The following VGLL4 variants were observed in gnomAD, a reference collection of about 807,000 sequenced individuals.
The protein encoded by VGLL4 is transcription cofactor vestigial-like protein 4.
A neutral mutation model predicts 21.0 loss-of-function variants in VGLL4; 7 were observed. The ratio of observed to expected loss-of-function variants is 0.33; its 90% CI spans 0.19 to 0.63. The LOEUF is 0.63. Ranked by LOEUF, VGLL4 falls within the 20% of genes least tolerant of loss-of-function variation. The probability of loss-of-function intolerance (pLI) is 0.78; values close to 1 mark genes in which losing one functional copy is unlikely to be tolerated. For synonymous variants in VGLL4, 222 were observed against 173.2 expected (o/e 1.28, Z -2.21); for missense variants, 394 against 425.7 (o/e 0.93, Z 0.66).
rs374019699 is a variant in VGLL4, at chr3:11,558,808, G to A, written c.639C>T (p.Pro213=). The part of the protein sequence containing the change: ...RPPSAATTCD[P]VVEEHFRRSL... Reference sequence around the variant, plus strand: ...TCCTGCGGAAATGCTCCTCCACCACGGGGTCACAGGTGGTGGCAGCTGCAG... The same window carrying A: ...TCCTGCGGAAATGCTCCTCCACCACAGGGTCACAGGTGGTGGCAGCTGCAG... The change falls in exon 5 of 5, where the codon CCC becomes CCT. Residue 213 remains proline, a synonymous_variant. Coordinates refer to ENST00000430365, the MANE Select transcript of VGLL4 (RefSeq NM_001128219.3). The A allele has an allele frequency of 6.5e-5, 104 of 1,612,250 alleles. No homozygotes were observed. Among genetic ancestry groups the A allele is most frequent in the Non-Finnish European group, 8.0e-5 (94 of 1,178,834 alleles).
intron 2 of VGLL4, among the ~76,000 whole-genome samples, chr3:11,700,479 G>A (rs1195427390): frequency 6.6e-6 from 1 of 152,144 alleles, no homozygotes; most frequent in Non-Finnish European, 1.5e-5. Flanking sequence ...GCTCCCTACA[G>A]TCTTACAGTG....
chr3:11,601,679 T>C (rs541656281), intron 2 of VGLL4, among the ~76,000 whole-genome samples, 154 bp downstream of exon 2: 8 of 152,374 alleles, frequency 5.3e-5, no homozygotes, highest in African/African-American at 1.7e-4. Context: ...TACTACCTTC[T>C]TTTTGGCAGA....
chr3:11,637,199 T>C (rs1218215159), intron 1 of VGLL4, among the ~76,000 whole-genome samples: 7 of 152,218 alleles, frequency 4.6e-5, no homozygotes, highest in Non-Finnish European at 1.5e-5. Context: ...GGCGATTTAC[T>C]ATTTCTTGAC....
intron 1 of VGLL4, among the ~76,000 whole-genome samples, chr3:11,602,306 T>C (rs1018027144): frequency 6.6e-6 from 1 of 152,252 alleles, no homozygotes; most frequent in Non-Finnish European, 1.5e-5. Context: ...GCAAAAAGCA[T>C]TTTCTGTAAA....
At chr3:11,596,345 T>C (rs1559888112) in intron 2 of VGLL4, among the ~76,000 whole-genome samples, 1 of 152,238 alleles carries the variant, frequency 6.6e-6, no homozygotes, top group South Asian at 2.1e-4. Flanking sequence ...GTGACTATTA[T>C]ACCCTCAGCA....
chr3:11,645,695 G>T (rs2075780194), upstream of VGLL4, among the ~76,000 whole-genome samples: 1 of 151,766 alleles, frequency 6.6e-6, no homozygotes, highest in Non-Finnish European at 1.5e-5. Context: ...TGGGAGTCCG[G>T]ATGCGGTGGC....
chr3:11,643,825 AAG>A lies in VGLL4; in HGVS notation c.-309_-308del, dbSNP rs1419084357. ...TTCCTGGAAATGGAAAAGAGTGAAAAAGAGAAACGCGCAGCCCGTTTCCTAGG... is the reference window on the plus strand; with the variant it reads ...TTCCTGGAAATGGAAAAGAGTGAAAAAGAAACGCGCAGCCCGTTTCCTAGG... On this transcript the variant is annotated 5_prime_UTR_variant, in exon 1 of 5. Coordinates refer to ENST00000430365, the MANE Select transcript of VGLL4 (RefSeq NM_001128219.3). 6 of 1,081,386 alleles carry A rather than the reference AAG, an allele frequency of 5.5e-6. No individual in the cohort carries two copies. The highest frequency in any genetic ancestry group is 1.7e-5 in the African/African-American group (1 of 59,800). The allele number at this position is 1,081,386 out of a possible 1,614,324, so 67.0% of individuals were successfully genotyped here. A position where few individuals can be genotyped will look rare whatever the true frequency, so the allele number is the denominator to read the frequency against.
intron 2 of VGLL4, among the ~76,000 whole-genome samples, chr3:11,651,710 TAAATATCAATGACGTACAGTAAGTACCA>T (rs1005331258): frequency 4.0e-5 from 6 of 151,824 alleles, no homozygotes; most frequent in African/African-American, 1.5e-4. Context: ...TCAAATGCCT[TAAATATCAATGACGTACAGTAAGTACCA>T]GGGAGTAGCT....
chr3:11,710,370 AG>A (rs1646055097), intron 1 of VGLL4: 1 of 152,222 alleles, frequency 6.6e-6, no homozygotes, highest in African/African-American at 2.4e-5. Flanking sequence ...GCACAATAAA[AG>A]CTACAGCACC....
intron 2 of VGLL4, among the ~76,000 whole-genome samples, chr3:11,580,887 T>A (rs1246643915): frequency 6.6e-6 from 1 of 152,202 alleles, no homozygotes; most frequent in Admixed American, 6.5e-5. Flanking sequence ...ACTTATAAGC[T>A]ACATATTTGT....
chr3:11,627,595 C>CAAAAAA (rs57607183), intron 1 of VGLL4, among the ~76,000 whole-genome samples: 2 of 118,818 alleles, frequency 1.7e-5, no homozygotes, highest in Non-Finnish European at 3.4e-5. Context: ...AACTTCATCT[C>CAAAAAA]AAAAAAAAAA....
intron 1 of VGLL4, among the ~76,000 whole-genome samples, chr3:11,704,967 C>T (rs566928695): frequency 5.3e-5 from 8 of 152,308 alleles, no homozygotes; most frequent in Non-Finnish European, 1.0e-4. Context: ...GTTCCTCCCC[C>T]AGAAGGGAAG....
intron 2 of VGLL4, among the ~76,000 whole-genome samples, chr3:11,695,597 C>T (rs2125397748): frequency 6.6e-6 from 1 of 152,238 alleles, no homozygotes; most frequent in Middle Eastern, 3.4e-3. Flanking sequence ...TATAGCTTCT[C>T]ATAACTAGAA....
intron 2 of VGLL4, chr3:11,582,234 GT>G: frequency 6.3e-7 from 1 of 1,589,250 alleles, no homozygotes; most frequent in Non-Finnish European, 8.6e-7. Flanking sequence ...TTGCCATCTG[GT>G]TTGAAAAAGC....
chr3:11,664,603 A>G (rs2076082927), intron 2 of VGLL4, among the ~76,000 whole-genome samples: 1 of 152,136 alleles, frequency 6.6e-6, no homozygotes. Flanking sequence ...AGGGCTGGAG[A>G]ATCAGGGCTG....
At chr3:11,623,042 T>C (rs1425839893) in intron 1 of VGLL4, among the ~76,000 whole-genome samples, 1 of 152,186 alleles carries the variant, frequency 6.6e-6, no homozygotes, top group African/African-American at 2.4e-5. Flanking sequence ...GGATGGCTAC[T>C]CACCATCCAC....
rs188627145 is a variant in VGLL4, at chr3:11,651,118, G to A, written c.65-49096C>T. On this transcript the variant is annotated intron_variant, in intron 2 of 5. Transcript: ENST00000273038. ...ATCCCAGCACTTTGGGAGGGCGGGT[G>A]GATCACCTGAGGTCAGGAGTTCGGG... Among the ~76,000 whole-genome samples the A allele has an allele frequency of 1.2e-3, 186 of 152,216 alleles. 1 individual carries two copies. The highest frequency in any genetic ancestry group is 4.4e-3 in the African/African-American group (184 of 41,528).
chr3:11,641,968 C>A lies in VGLL4; in HGVS notation c.82+1469G>T, dbSNP rs375230804. On this transcript the variant is annotated intron_variant, in intron 1 of 4. Transcript: ENST00000430365. ...GTATTACTTGTTGGCAAAGACAATA[C>A]AACAGAAATTGCCTCAGAAGTTTTT... Among the ~76,000 whole-genome samples, 214 of 150,638 alleles carry A rather than the reference C, an allele frequency of 1.4e-3. 11 individuals are homozygous for A. The South Asian group carries it at 0.043, about 30-fold the overall frequency.
In VGLL4 at chr3:11,587,919, G is replaced by A. The variant is rs555192782; in HGVS notation, c.272+13914C>T. The stretch of plus-strand genomic sequence containing the variant: ...CCGTGAAAGAAGCATCACGGGCAGG[G>A]CTGGTGCTACCGACTGAACCTCGCG... On this transcript the variant is annotated intron_variant, in intron 2 of 4. Transcript: ENST00000430365. 3.5e-4 allele frequency among the ~76,000 whole-genome samples: 54 copies of A among 152,366 alleles called. 1 individual carries two copies. The Middle Eastern group carries it at 0.021, about 58-fold the overall frequency.
Sources: gnomAD v4.1 joint callset for allele counts (sites outside exome capture counted in the v4.1 genomes callset) on GRCh38, gnomAD v4.1.1 for gene constraint, MANE v1.5 for transcripts, NCBI Gene and HGNC (gene_info 2026-07-23, HGNC 2026-07-21) for gene names.